AFF1: variants seen among roughly 807,000 people sequenced by gnomAD.
AFF1 encodes the protein AF4/FMR2 family member 1.
Under a neutral mutation model 121.7 loss-of-function variants are expected in AFF1, and 48 were observed. The observed-to-expected ratio is 0.39, with a 90% confidence interval of 0.31 to 0.50. The LOEUF (loss-of-function observed/expected upper bound fraction) is 0.50, where lower values mean the gene tolerates loss of function less well. Ranked by LOEUF, AFF1 falls within the 20% of genes least tolerant of loss-of-function variation. The pLI is 0.76. For synonymous variants in AFF1, 613 were observed against 563.0 expected, an observed-to-expected ratio of 1.09 and a Z score of -1.26; for missense variants, 1,523 against 1,511.7, an observed-to-expected ratio of 1.01 and a Z score of -0.12.
chr4:86,958,391 C>G lies in AFF1; in HGVS notation c.38+9820C>G, dbSNP rs752688333. ...CAGGCGTGAGTCACCGTGCCCGGCC[C>G]CAAACTTTCTAGATTGTTTTAAAAT... On this transcript the variant is annotated intron_variant, in intron 2 of 20. Coordinates refer to ENST00000395146, the MANE Select transcript of AFF1 (RefSeq NM_001166693.3). Among the ~76,000 whole-genome samples, 56 of 152,104 alleles carry G rather than the reference C, an allele frequency of 3.7e-4. 1 individual carries two copies. Among genetic ancestry groups the G allele is most frequent in the Middle Eastern group, 3.4e-3 (1 of 292 alleles).
chr4:86,941,467 T>A (rs1376001418), intron 1 of AFF1, among the ~76,000 whole-genome samples: 1 of 152,192 alleles, frequency 6.6e-6, no homozygotes, highest in East Asian at 1.9e-4. Context: ...GAGTTGAGCC[T>A]GGCCAACGTG....
Position 86,967,314 on chromosome 4 carries a change from C to T in AFF1, c.38+18743C>T, listed in dbSNP as rs530288651. 1.4e-4 allele frequency among the ~76,000 whole-genome samples: 22 copies of T among 151,780 alleles called. No homozygotes were observed. The South Asian group carries it at 2.7e-3, about 19-fold the overall frequency. On this transcript the variant is annotated intron_variant, in intron 2 of 20. Coordinates refer to ENST00000395146, the MANE Select transcript of AFF1 (RefSeq NM_001166693.3). ...GGAACCATACTTGTGAAGACTTGGG[C>T]GAAAAGAAAAAACAAAACAGAAGTA... is the stretch of plus-strand genomic sequence containing the variant.
intron 2 of AFF1, among the ~76,000 whole-genome samples, chr4:87,018,651 T>A (rs1209878512): frequency 6.6e-6 from 1 of 152,224 alleles, no homozygotes; most frequent in Admixed American, 6.5e-5. Flanking sequence ...ATGACCGTCA[T>A]GTGGCAGTTT....
At chr4:87,130,625 A>G (rs1171247521) in intron 16 of AFF1, among the ~76,000 whole-genome samples, 1 of 152,228 alleles carries the variant, frequency 6.6e-6, no homozygotes, top group Non-Finnish European at 1.5e-5. Context: ...GCATATAACA[A>G]TTATTGTTGG....
chr4:87,006,887 C>T lies in AFF1; in HGVS notation c.39-39279C>T, dbSNP rs565826564. On this transcript the variant is annotated intron_variant, in intron 2 of 20. Coordinates refer to ENST00000395146, the MANE Select transcript of AFF1 (RefSeq NM_001166693.3). Reference sequence around the variant, plus strand: ...GCTTGCCGCCTGCCTTTGGCTAGGGCCGCCGAGCGCCCTGCCCATTTAAGT... The same window carrying T: ...GCTTGCCGCCTGCCTTTGGCTAGGGTCGCCGAGCGCCCTGCCCATTTAAGT... 9.5e-5 allele frequency: 87 copies of T among 916,030 alleles called. No homozygotes were observed. In the African/African-American group the frequency reaches 1.3e-3, roughly 13 times the overall value. 56.7% of individuals were successfully genotyped at this position (916,030 alleles called of 1,614,324 possible). A position where few individuals can be genotyped will look rare whatever the true frequency, so the allele number is the denominator to read the frequency against.
intron 4 of AFF1, among the ~76,000 whole-genome samples, chr4:87,059,103 GCCTTT>G (rs1720461814): frequency 6.6e-6 from 1 of 152,172 alleles, no homozygotes; most frequent in African/African-American, 2.4e-5. Context: ...TCATTCTGCA[GCCTTT>G]CCCTGGTGAC....
At chr4:86,985,030 TACAA>T (rs551333614) in intron 2 of AFF1, among the ~76,000 whole-genome samples, 230 of 149,750 alleles carry the variant, frequency 1.5e-3, no homozygotes, top group Non-Finnish European at 2.8e-3. Context: ...AGAAAAGAGA[TACAA>T]ACAAAATCAA....
intron 11 of AFF1, among the ~76,000 whole-genome samples, chr4:87,111,965 A>AT (rs1726585328): frequency 6.6e-6 from 1 of 152,210 alleles, no homozygotes. Flanking sequence ...GATGTTATTT[A>AT]TACTGGGAAT....
intron 2 of AFF1, among the ~76,000 whole-genome samples, chr4:86,973,151 G>T (rs1723060572): frequency 6.6e-6 from 1 of 152,186 alleles, no homozygotes; most frequent in Non-Finnish European, 1.5e-5. Context: ...CTGCACGGAG[G>T]CAGTGAAGGG....
intron 2 of AFF1, among the ~76,000 whole-genome samples, chr4:87,008,553 T>A (rs570034803): frequency 6.6e-6 from 1 of 152,150 alleles, no homozygotes; most frequent in Admixed American, 6.5e-5. Context: ...TGGGGCCAAG[T>A]AGTAGAACTT....
intron 8 of AFF1, among the ~76,000 whole-genome samples, chr4:87,097,661 C>T (rs1725002779): frequency 6.6e-6 from 1 of 152,010 alleles, no homozygotes. Context: ...GTAAGAGTAA[C>T]ACAGAAGAGA....
Position 87,109,050 on chromosome 4 carries a change from A to C in AFF1, c.1533+735A>C, listed in dbSNP as rs368685401. On this transcript the variant is annotated intron_variant, in intron 11 of 20. Transcript: ENST00000395146. ...AACAGGGTTGCCAAATAACCTCAAA[A>C]TTTGGGTAGCATTGTAAAAGTTATG... Among the ~76,000 whole-genome samples the C allele has an allele frequency of 4.6e-5, 7 of 152,328 alleles. No individual in the cohort carries two copies. The East Asian group carries it at 9.6e-4, about 21-fold the overall frequency.
At chr4:87,113,891 C>G (rs1726808715) in intron 11 of AFF1, among the ~76,000 whole-genome samples, 1 of 151,992 alleles carries the variant, frequency 6.6e-6, no homozygotes, top group South Asian at 2.1e-4. Context: ...ATGATCTCAT[C>G]TTGAATAAAA....
chr4:87,031,100 T>C (rs867845142), intron 2 of AFF1, among the ~76,000 whole-genome samples: 1 of 152,142 alleles, frequency 6.6e-6, no homozygotes, highest in African/African-American at 2.4e-5. Flanking sequence ...TGAAAGATAA[T>C]TGAGGCACTC....
intron 5 of AFF1, among the ~76,000 whole-genome samples, chr4:87,089,632 T>C (rs1259092750): frequency 1.3e-5 from 2 of 152,224 alleles, no homozygotes; most frequent in Non-Finnish European, 2.9e-5. Context: ...GAGAGACTGC[T>C]TTTCCAGCCC....
At chr4:87,127,541 C>A in intron 15 of AFF1, 102 bp from the exon 16 acceptor site, 1 of 1,028,734 alleles carries the variant, frequency 9.7e-7, no homozygotes, top group Non-Finnish European at 1.5e-6. Flanking sequence ...CTCTCTCCTC[C>A]CCTTGCTGTC....
At chr4:87,063,097 A>G (rs1201629031) in intron 4 of AFF1, among the ~76,000 whole-genome samples, 1 of 152,190 alleles carries the variant, frequency 6.6e-6, no homozygotes, top group Non-Finnish European at 1.5e-5. Context: ...AGGTTTAAGT[A>G]AGAAAATGTA....
At chr4:86,981,091 C>G (rs915328675) in intron 2 of AFF1, among the ~76,000 whole-genome samples, 1 of 151,496 alleles carries the variant, frequency 6.6e-6, no homozygotes, top group African/African-American at 2.4e-5. Context: ...CGGCTCACTG[C>G]AAGCTCTGCC....
chr4:87,040,993 A>T (rs1730088104), intron 2 of AFF1, among the ~76,000 whole-genome samples: 1 of 146,168 alleles, frequency 6.8e-6, no homozygotes, highest in South Asian at 2.2e-4. Flanking sequence ...CTCCTGCCTC[A>T]GCCTCCTGAG....
Sources: allele counts gnomAD v4.1 joint callset (sites outside exome capture counted in the v4.1 genomes callset), GRCh38; gene constraint gnomAD v4.1.1; transcripts MANE v1.5; gene names NCBI Gene and HGNC (gene_info 2026-07-23, HGNC 2026-07-21).